The following ERC1 variants were observed in gnomAD, a reference collection of about 807,000 sequenced individuals.
ERC1 encodes ELKS/RAB6-interacting/CAST family member 1, also known as RAB6 interacting protein 2.
ERC1 carries 56 observed loss-of-function variants against 132.0 expected under a neutral mutation model. The ratio of observed to expected loss-of-function variants is 0.42; its 90% confidence interval spans 0.34 to 0.53. The LOEUF is 0.53. Ranked by LOEUF, ERC1 falls within the 20% of genes least tolerant of loss-of-function variation. ERC1 has a pLI of 0.03. For synonymous variants in ERC1, 478 were observed against 476.1 expected (o/e 1.00, Z -0.05); for missense variants, 1,202 against 1,349.9 (o/e 0.89, Z 1.72).
intron 17 of ERC1, among the ~76,000 whole-genome samples, chr12:1,432,323 G>C (rs1170493235): frequency 6.6e-6 from 1 of 152,226 alleles, no homozygotes. Context: ...TTAGCTGATG[G>C]GCTGTACGAA....
At chr12:1,050,564 G>C (rs1971765991) in intron 2 of ERC1, among the ~76,000 whole-genome samples, 2 of 151,944 alleles carry the variant, frequency 1.3e-5, no homozygotes, top group African/African-American at 4.8e-5. Flanking sequence ...AACCTTTTTT[G>C]TTTGCTTACC....
At chr12:1,284,334 A>G (rs1396970217) in intron 14 of ERC1, among the ~76,000 whole-genome samples, 1 of 150,498 alleles carries the variant, frequency 6.6e-6, no homozygotes, top group Non-Finnish European at 1.5e-5. Context: ...TTATCCATTC[A>G]TCCACTGATG....
At chr12:1,343,067 A>G (rs1024708020) in intron 15 of ERC1, among the ~76,000 whole-genome samples, 1 of 152,190 alleles carries the variant, frequency 6.6e-6, no homozygotes, top group Non-Finnish European at 1.5e-5. Flanking sequence ...TCCGGGCATT[A>G]GAGAGCTTTG....
intron 7 of ERC1, among the ~76,000 whole-genome samples, chr12:1,117,903 A>G (rs969944281): frequency 1.3e-5 from 2 of 152,166 alleles, no homozygotes; most frequent in Non-Finnish European, 2.9e-5. Context: ...GTTACCTGCA[A>G]AGTTATTCAT....
chr12:1,055,542 A>T (rs890202116), intron 2 of ERC1, among the ~76,000 whole-genome samples: 1 of 152,214 alleles, frequency 6.6e-6, no homozygotes, highest in Non-Finnish European at 1.5e-5. Flanking sequence ...TATATCTTAA[A>T]TTATGTAATG....
intron 12 of ERC1, chr12:1,203,866 G>A (rs1422295509): frequency 6.6e-6 from 1 of 152,402 alleles, no homozygotes; most frequent in Non-Finnish European, 1.5e-5. Flanking sequence ...ACAAGCCTGT[G>A]TATTCTTGTT....
At chr12:1,405,722 A>G (rs145587397) in intron 16 of ERC1, among the ~76,000 whole-genome samples, 2,142 of 152,016 alleles carry the variant, frequency 0.014, 24 homozygotes, top group Non-Finnish European at 0.022. Context: ...AAATAAATGG[A>G]TATCTATTCA....
At chr12:1,384,776 G>A (rs565210597) in intron 16 of ERC1, among the ~76,000 whole-genome samples, 1 of 152,230 alleles carries the variant, frequency 6.6e-6, no homozygotes, top group African/African-American at 2.4e-5. Flanking sequence ...TGGTTTTCAG[G>A]GTAGAGATGC....
At chr12:1,370,994 C>T (rs776768682) in intron 15 of ERC1, among the ~76,000 whole-genome samples, 9 of 152,092 alleles carry the variant, frequency 5.9e-5, no homozygotes, top group Admixed American at 1.3e-4. Flanking sequence ...ATTACAGGCG[C>T]GAGCCACCAC....
chr12:1,244,681 C>T (rs899169202), intron 13 of ERC1: 1 of 388,614 alleles, frequency 2.6e-6, no homozygotes, highest in Non-Finnish European at 5.2e-6. Context: ...GCCACCATGC[C>T]TGGCTAATTT....
intron 1 of ERC1, among the ~76,000 whole-genome samples, chr12:1,011,874 G>C (rs1291629160): frequency 6.6e-6 from 1 of 151,946 alleles, no homozygotes; most frequent in Non-Finnish European, 1.5e-5. Context: ...TTGAACCCAA[G>C]AGGCAGAGGT....
intron 12 of ERC1, among the ~76,000 whole-genome samples, chr12:1,207,561 T>A (rs549903488): frequency 1.3e-5 from 2 of 152,344 alleles, no homozygotes; most frequent in East Asian, 3.9e-4. Flanking sequence ...AAGTGTAACA[T>A]CTTCTCTGTT....
chr12:1,411,195 G>A (rs921223552), intron 17 of ERC1, among the ~76,000 whole-genome samples: 16 of 152,232 alleles, frequency 1.1e-4, no homozygotes, highest in South Asian at 2.1e-4. Context: ...TAGTCCAGCC[G>A]TGGCAGTATC....
chr12:1,174,915 C>G (rs1953518231), intron 8 of ERC1, among the ~76,000 whole-genome samples: 1 of 152,138 alleles, frequency 6.6e-6, no homozygotes, highest in African/African-American at 2.4e-5. Context: ...TACAGGTATA[C>G]CTCGGAGATA....
chr12:1,004,111 C>T (rs1565758065), intron 1 of ERC1, among the ~76,000 whole-genome samples: 2 of 152,130 alleles, frequency 1.3e-5, no homozygotes, highest in African/African-American at 4.8e-5. Context: ...ATGGGAGGAT[C>T]ACAGGGCATT....
chr12:999,723 G>C (rs999237817), intron 1 of ERC1, among the ~76,000 whole-genome samples: 8 of 149,266 alleles, frequency 5.4e-5, no homozygotes, highest in African/African-American at 2.0e-4. Flanking sequence ...AGCCTCCCGA[G>C]TAGATGGGAT....
chr12:1,460,924 T>C (rs1486530923), intron 18 of ERC1, among the ~76,000 whole-genome samples: 1 of 144,744 alleles, frequency 6.9e-6, no homozygotes, highest in Non-Finnish European at 1.5e-5. Context: ...GCAGTTTTCA[T>C]AGGATAAAGA....
chr12:1,296,967 A>C (rs1165492825), intron 15 of ERC1, among the ~76,000 whole-genome samples: 1 of 152,184 alleles, frequency 6.6e-6, no homozygotes, highest in Non-Finnish European at 1.5e-5. Flanking sequence ...TGAAACCATG[A>C]ATCTTTGATT....
rs532212792 is a variant in ERC1, at chr12:1,036,703, A to G, written c.669+8131A>G. The stretch of plus-strand genomic sequence containing the variant: ...AAATAAACTTTGTCATGAGGTTGCT[A>G]GTTGTTTCACTGTCATTTAAAGTCT... On this transcript the variant is annotated intron_variant, in intron 2 of 18. Transcript: ENST00000360905. Among the ~76,000 whole-genome samples, 10 of 152,264 alleles carry G rather than the reference A, an allele frequency of 6.6e-5. No individual in the cohort carries two copies. The East Asian group carries it at 1.7e-3, about 26-fold the overall frequency.
Sources: gnomAD v4.1 joint callset for allele counts (sites outside exome capture counted in the v4.1 genomes callset) on GRCh38, gnomAD v4.1.1 for gene constraint, MANE v1.5 for transcripts, NCBI Gene and HGNC (gene_info 2026-07-23, HGNC 2026-07-21) for gene names.